The following IL31RA variants were observed in gnomAD, a reference collection of about 807,000 sequenced individuals.
IL31RA encodes interleukin 31 receptor A, also known as interleukin-31 receptor subunit alpha.
IL31RA carries 66 observed loss-of-function variants against 83.7 expected under a neutral mutation model. The observed-to-expected ratio is 0.79, with a 90% confidence interval of 0.65 to 0.97. The LOEUF is 0.97. IL31RA is among the 50% of genes least tolerant of loss of function. IL31RA has a pLI of 0.00. For synonymous variants in IL31RA, 325 were observed against 329.0 expected, an observed-to-expected ratio of 0.99 and a Z score of 0.13; for missense variants, 798 against 919.4, an observed-to-expected ratio of 0.87 and a Z score of 1.71.
chr5:55,869,039 CA>C, intron 3 of IL31RA, 131 bp downstream of exon 3: 1 of 744,806 alleles, frequency 1.3e-6, no homozygotes, highest in South Asian at 1.4e-5. Flanking sequence ...TTACTGTGTG[CA>C]GCCAGTGGCT....
intron 5 of IL31RA, among the ~76,000 whole-genome samples, chr5:55,887,295 C>G (rs758379747): frequency 2.5e-4 from 38 of 152,196 alleles, no homozygotes; most frequent in Non-Finnish European, 3.7e-4. Flanking sequence ...CAAACCTAAG[C>G]TCAGGTTTTC....
Position 55,886,068 on chromosome 5 carries a change from G to A in IL31RA, c.606+2873G>A, listed in dbSNP as rs1339465343. 2.6e-5 allele frequency among the ~76,000 whole-genome samples: 4 copies of A among 151,968 alleles called. No homozygotes were observed. The East Asian group carries it at 7.7e-4, about 29-fold the overall frequency. On this transcript the variant is annotated intron_variant, in intron 5 of 14. Coordinates refer to ENST00000652347, the MANE Select transcript of IL31RA (RefSeq NM_139017.7). ...GCATATAACACTAAGTGAGGGCAAC[G>A]GGTATAAACTACCCAACCCTTGGCA...
chr5:55,874,022 C>G (rs1043592623), intron 4 of IL31RA, among the ~76,000 whole-genome samples: 4 of 151,962 alleles, frequency 2.6e-5, no homozygotes, highest in African/African-American at 9.6e-5. Context: ...AGTCTTAGTT[C>G]CTACATTTGA....
chr5:55,876,598 C>T (rs1746867646), intron 4 of IL31RA, among the ~76,000 whole-genome samples: 1 of 152,142 alleles, frequency 6.6e-6, no homozygotes, highest in Non-Finnish European at 1.5e-5. Context: ...CAGTTTTTGA[C>T]TTAAAATGTA....
chr5:55,922,689 G>A lies in IL31RA; in HGVS notation c.*5569G>A. 2.1e-6 allele frequency: 1 copy of A among 481,100 alleles called. No individual in the cohort carries two copies. The highest frequency in any genetic ancestry group is 3.7e-6 in the Non-Finnish European group (1 of 273,690). The allele number at this position is 481,100 out of a possible 1,614,324, so 29.8% of individuals were successfully genotyped here. On this transcript the variant is annotated 3_prime_UTR_variant, in exon 15 of 15. Transcript: ENST00000652347. ...AGCTTTTAAAATGCTTTTGTATTTG[G>A]GCCTTTCATACAAAAAAGCCATAAT...
rs369809822 is a variant in IL31RA at position 55,906,269 on chromosome 5, G to C, written c.1233G>C (p.Thr411=). The C allele has an allele frequency of 5.6e-6, 9 of 1,614,066 alleles. No individual in the cohort carries two copies. Among genetic ancestry groups the C allele is most frequent in the Middle Eastern group, 3.3e-4 (2 of 5,978 alleles). ...TLSWESVSQA[T]NWTIQQDKLK... ...CCTGGGAATCTGTGTCTCAGGCCAC[G>C]AACTGGACGATCCAGCAAGGTAGCC... The change falls in exon 9 of 15, where the codon ACG becomes ACC. Residue 411 remains threonine, a synonymous_variant. Coordinates refer to ENST00000652347, the MANE Select transcript of IL31RA (RefSeq NM_139017.7).
At chr5:55,853,583 T>C in intron 1 of IL31RA, 1 of 1,548,134 alleles carries the variant, frequency 6.5e-7, no homozygotes, top group Non-Finnish European at 8.7e-7. Flanking sequence ...TGCTAATTCA[T>C]TTAGAAGAGT....
intron 9 of IL31RA, among the ~76,000 whole-genome samples, chr5:55,906,506 C>A (rs2112555822): frequency 6.6e-6 from 1 of 152,304 alleles, no homozygotes; most frequent in Admixed American, 6.5e-5. Context: ...TCTGATCGAT[C>A]TCCAGGTGGA....
At chr5:55,856,984 G>A (rs372762858) in intron 1 of IL31RA, among the ~76,000 whole-genome samples, 2 of 152,150 alleles carry the variant, frequency 1.3e-5, no homozygotes, top group African/African-American at 4.8e-5. Context: ...CTGGAGTCCT[G>A]AATGAACTCA....
At chr5:55,906,641 G>A (rs62361950) in intron 9 of IL31RA, among the ~76,000 whole-genome samples, 30,636 of 152,204 alleles carry the variant, frequency 0.2, 3,320 homozygotes, top group Middle Eastern at 0.31. Context: ...CTGATTGCCT[G>A]TTTAAGAGTT....
chr5:55,908,143 C>T (rs1006971650), intron 10 of IL31RA, 122 bp from the exon 11 acceptor site: 3 of 1,370,462 alleles, frequency 2.2e-6, no homozygotes, highest in Non-Finnish European at 3.0e-6. Flanking sequence ...ATTCCCTACT[C>T]AACCCTCACC....
In IL31RA at chr5:55,859,586, A is replaced by G; in HGVS notation, c.141A>G (p.Lys47=). 2 of 1,611,290 alleles carry G rather than the reference A, an allele frequency of 1.2e-6. No individual in the cohort carries two copies. The highest frequency in any genetic ancestry group is 1.7e-6 in the Non-Finnish European group (2 of 1,177,598). ...WALWMLPSLC[K]FSLAALPAKP... is the part of the protein sequence containing the mutation. ...TGTGGATGCTCCCCTCACTCTGCAA[A>G]TTCAGCCTGGCAGGTAGGTTGACCT... The change falls in exon 2 of 15, where the codon AAA becomes AAG. Residue 47 remains lysine, a synonymous_variant. Transcript: ENST00000652347.
At chr5:55,906,060 G>A in intron 8 of IL31RA, 46 bp from the exon 9 acceptor site, 1 of 1,592,442 alleles carries the variant, frequency 6.3e-7, no homozygotes, top group South Asian at 1.1e-5. Context: ...TTGCATTTGG[G>A]GAATGAGTTG....
intron 12 of IL31RA, among the ~76,000 whole-genome samples, chr5:55,911,984 C>T (rs1749523071): frequency 6.6e-6 from 1 of 152,088 alleles, no homozygotes; most frequent in Admixed American, 6.5e-5. Context: ...ACTAACATTG[C>T]CCTCTAGGAA....
intron 8 of IL31RA, 97 bp from the exon 9 acceptor site, chr5:55,906,009 C>A: frequency 7.7e-7 from 1 of 1,294,256 alleles, no homozygotes; most frequent in Non-Finnish European, 1.1e-6. Context: ...GAACTTTGGC[C>A]TTGTTTTACA....
chr5:55,901,987 T>A (rs1277211857), intron 8 of IL31RA, among the ~76,000 whole-genome samples: 1 of 152,216 alleles, frequency 6.6e-6, no homozygotes. Flanking sequence ...TTAAAAATAT[T>A]ATAAAATACA....
At chr5:55,845,833 A>G in the IL31RA span, among the ~76,000 whole-genome samples, 1 of 152,346 alleles carries the variant, frequency 6.6e-6, no homozygotes, top group East Asian at 1.9e-4. Flanking sequence ...CTTGTTAAGA[A>G]GAACGAAATG....
chr5:55,897,406 C>T lies in IL31RA; in HGVS notation c.852+977C>T, dbSNP rs1476013395. Among the ~76,000 whole-genome samples, 5 of 152,008 alleles carry T rather than the reference C, an allele frequency of 3.3e-5. No homozygotes were observed. In the East Asian group the frequency reaches 5.8e-4, roughly 18 times the overall value. On this transcript the variant is annotated intron_variant, in intron 7 of 14. Transcript: ENST00000652347. Reference sequence around the variant, plus strand: ...GTAGAAAGTGAAAGTGCAGGAGGCACCATGACCTTCTGGAGGAAACGATCA... The same window carrying T: ...GTAGAAAGTGAAAGTGCAGGAGGCATCATGACCTTCTGGAGGAAACGATCA...
At chr5:55,907,224 T>G (rs1029729573) in intron 9 of IL31RA, 135 bp from the exon 10 acceptor site, 4 of 666,532 alleles carry the variant, frequency 6.0e-6, no homozygotes, top group Non-Finnish European at 8.2e-6. Flanking sequence ...CAACCTAACC[T>G]GTTTATTTTC....
Sources: gnomAD v4.1 joint callset for allele counts (sites outside exome capture counted in the v4.1 genomes callset) on GRCh38, gnomAD v4.1.1 for gene constraint, MANE v1.5 for transcripts, NCBI Gene and HGNC (gene_info 2026-07-23, HGNC 2026-07-21) for gene names.